The following TOX variants were observed in gnomAD, a reference collection of about 807,000 sequenced individuals.
TOX encodes the protein thymocyte selection-associated high mobility group box protein TOX.
A neutral mutation model predicts 53.7 loss-of-function variants in TOX; 11 were observed. The observed-to-expected ratio is 0.20, with a 90% CI of 0.13 to 0.34. The LOEUF is 0.34. TOX is among the 10% of genes least tolerant of loss of function. The pLI is 1.00. For synonymous variants in TOX, 225 were observed against 245.3 expected, an observed-to-expected ratio of 0.92 and a Z score of 0.77; for missense variants, 570 against 664.6, an observed-to-expected ratio of 0.86 and a Z score of 1.56.
At chr8:59,069,820 G>C (rs991568689) in intron 1 of TOX, among the ~76,000 whole-genome samples, 8 of 152,158 alleles carry the variant, frequency 5.3e-5, no homozygotes, top group Non-Finnish European at 1.0e-4. Context: ...TGAGAGGAGA[G>C]GCTTCAAAAA....
At chr8:59,095,222 A>C (rs551442446) in intron 1 of TOX, among the ~76,000 whole-genome samples, 2 of 152,194 alleles carry the variant, frequency 1.3e-5, no homozygotes, top group East Asian at 3.9e-4. Flanking sequence ...ACATAAAGGT[A>C]ATATTCGCTC....
Position 58,826,817 on chromosome 8 carries a change from G to A in TOX, c.1005+5C>T, listed in dbSNP as rs371269810. On this transcript the variant is annotated splice_donor_5th_base_variant and intron_variant, in intron 6 of 8. Coordinates refer to ENST00000361421, the MANE Select transcript of TOX (RefSeq NM_014729.3). The stretch of plus-strand genomic sequence containing the variant: ...CCTTCACAATATCACACAACTGCAC[G>A]TTACCTTGGATACAAGGCTGGCTCT... The A allele has an allele frequency of 2.1e-5, 33 of 1,601,636 alleles. No homozygotes were observed. Among genetic ancestry groups the A allele is most frequent in the African/African-American group, 8.1e-5 (6 of 74,182 alleles).
chr8:58,820,881 G>C (rs2129165198), intron 6 of TOX, among the ~76,000 whole-genome samples: 1 of 152,234 alleles, frequency 6.6e-6, no homozygotes, highest in East Asian at 1.9e-4. Flanking sequence ...AATGAAACTA[G>C]TTCCATTGCT....
intron 1 of TOX, among the ~76,000 whole-genome samples, chr8:59,056,451 A>AAT (rs1431391859): frequency 2.0e-5 from 3 of 149,732 alleles, no homozygotes; most frequent in African/African-American, 7.3e-5. Flanking sequence ...AAAAAAAAAA[A>AAT]AGGAAAGAAG....
At chr8:58,811,428 G>A (rs2129163895) in intron 7 of TOX, among the ~76,000 whole-genome samples, 1 of 152,258 alleles carries the variant, frequency 6.6e-6, no homozygotes, top group South Asian at 2.1e-4. Context: ...TTAGATTTCT[G>A]CAGCCCTCGC....
At chr8:59,107,328 G>A (rs533280729) in intron 1 of TOX, among the ~76,000 whole-genome samples, 4 of 152,158 alleles carry the variant, frequency 2.6e-5, no homozygotes, top group Non-Finnish European at 5.9e-5. Flanking sequence ...CTTAGTTTCT[G>A]TTGAACATCT....
At chr8:58,960,068 A>ATTTGT (rs746560905) in intron 1 of TOX, 60 bp from the exon 2 acceptor site, 5 of 1,581,504 alleles carry the variant, frequency 3.2e-6, no homozygotes, top group Non-Finnish European at 4.3e-6. Flanking sequence ...TTTGGTTTTT[A>ATTTGT]TTTGTTTTGT....
At chr8:58,824,729 C>G (rs957592842) in intron 6 of TOX, among the ~76,000 whole-genome samples, 1 of 152,194 alleles carries the variant, frequency 6.6e-6, no homozygotes, top group Admixed American at 6.5e-5. Flanking sequence ...TTTTCACTAA[C>G]GATTTCCCTT....
chr8:58,968,204 A>T (rs1812938096), intron 1 of TOX, among the ~76,000 whole-genome samples: 1 of 152,250 alleles, frequency 6.6e-6, no homozygotes, highest in Non-Finnish European at 1.5e-5. Flanking sequence ...TGAAAGCTTA[A>T]CTATAAAACC....
intron 1 of TOX, among the ~76,000 whole-genome samples, chr8:59,026,975 G>A (rs1231508514): frequency 5.9e-5 from 9 of 152,014 alleles, no homozygotes; most frequent in African/African-American, 1.9e-4. Flanking sequence ...TGGAGAAGGG[G>A]GAGTGAAGAA....
intron 1 of TOX, among the ~76,000 whole-genome samples, chr8:59,075,637 A>G (rs903170255): frequency 1.3e-5 from 2 of 152,120 alleles, no homozygotes; most frequent in African/African-American, 4.8e-5. Flanking sequence ...GAGCAAAATA[A>G]AAAGGTATTT....
chr8:58,814,320 C>A (rs1476441128), intron 7 of TOX: 1 of 152,052 alleles, frequency 6.6e-6, no homozygotes, highest in East Asian at 1.9e-4. Flanking sequence ...GCTTGGAGAA[C>A]AATAGAGTAA....
chr8:58,985,419 G>A (rs1813309725), intron 1 of TOX, among the ~76,000 whole-genome samples: 1 of 152,132 alleles, frequency 6.6e-6, no homozygotes. Context: ...AATACTGTAT[G>A]ATTCCACTTG....
intron 7 of TOX, among the ~76,000 whole-genome samples, chr8:58,814,946 A>AT: frequency 6.6e-6 from 1 of 152,332 alleles, no homozygotes; most frequent in South Asian, 2.1e-4. Flanking sequence ...TCCAAACAAT[A>AT]TTTTTTAAAA....
At chr8:59,016,935 C>T (rs1051196321) in intron 1 of TOX, among the ~76,000 whole-genome samples, 5 of 152,216 alleles carry the variant, frequency 3.3e-5, no homozygotes, top group African/African-American at 1.2e-4. Flanking sequence ...GGGTCAGCCT[C>T]CCAATCCCAA....
At chr8:59,057,402 G>A (rs1412116241) in intron 1 of TOX, among the ~76,000 whole-genome samples, 1 of 152,078 alleles carries the variant, frequency 6.6e-6, no homozygotes, top group Non-Finnish European at 1.5e-5. Flanking sequence ...TAGGTTTGTT[G>A]TGAGAATTAA....
chr8:58,975,486 A>G (rs1244799649), intron 1 of TOX, among the ~76,000 whole-genome samples: 1 of 152,214 alleles, frequency 6.6e-6, no homozygotes, highest in Non-Finnish European at 1.5e-5. Flanking sequence ...GACCATCACA[A>G]TAAAGCAAAT....
rs77563904 is a variant in TOX at position 59,031,516 on chromosome 8, T to C, written c.103-71508A>G. Among the ~76,000 whole-genome samples, 536 of 152,366 alleles carry C rather than the reference T, an allele frequency of 3.5e-3. 1 individual carries two copies. Among genetic ancestry groups the C allele is most frequent in the Admixed American group, 5.9e-3 (90 of 15,294 alleles). On this transcript the variant is annotated intron_variant, in intron 1 of 8. Transcript: ENST00000361421. ...CAAAAAGATGGGGCATGTATATCCC[T>C]GCTCTCAAGGAGCTTAAATTCTAGT...
chr8:58,807,939 T>C (rs910358435), intron 8 of TOX, among the ~76,000 whole-genome samples, 156 bp from the exon 9 acceptor site: 8 of 152,254 alleles, frequency 5.3e-5, no homozygotes, highest in African/African-American at 1.9e-4. Context: ...AGAAGTGAGC[T>C]AAAGGCATTT....
Sources: allele counts gnomAD v4.1 joint callset (sites outside exome capture counted in the v4.1 genomes callset), GRCh38; gene constraint gnomAD v4.1.1; transcripts MANE v1.5; gene names NCBI Gene and HGNC (gene_info 2026-07-23, HGNC 2026-07-21).